Variants in EFNA5 observed in about 807,000 individuals in gnomAD.
The protein encoded by EFNA5 is ephrin-A5.
In EFNA5, 5 loss-of-function variants were observed where a neutral mutation model predicts 22.9. The ratio of observed to expected loss-of-function variants is 0.22; its 90% CI spans 0.11 to 0.46. EFNA5 has a LOEUF of 0.46. Ranked by LOEUF, EFNA5 falls within the 20% of genes least tolerant of loss-of-function variation. The pLI is 0.99. For missense variants in EFNA5, 237 were observed against 293.3 expected, an observed-to-expected ratio of 0.81 and a Z score of 1.40; for synonymous variants, 113 against 112.2, an observed-to-expected ratio of 1.01 and a Z score of -0.04.
chr5:107,527,526 C>T (rs1419394996), intron 1 of EFNA5, among the ~76,000 whole-genome samples: 1 of 151,998 alleles, frequency 6.6e-6, no homozygotes, highest in Non-Finnish European at 1.5e-5. Context: ...ACCTTGTGAT[C>T]CACCCGCCTC....
At chr5:107,600,780 G>A (rs1337258715) in intron 1 of EFNA5, among the ~76,000 whole-genome samples, 2 of 152,004 alleles carry the variant, frequency 1.3e-5, no homozygotes, top group Non-Finnish European at 2.9e-5. Flanking sequence ...GAGCCACTGG[G>A]CCCAGCCAAA....
At chr5:107,607,849 A>T (rs1749755003) in intron 1 of EFNA5, among the ~76,000 whole-genome samples, 2 of 152,176 alleles carry the variant, frequency 1.3e-5, no homozygotes, top group Admixed American at 1.3e-4. Flanking sequence ...GACCTGGACC[A>T]GACAAACCTA....
chr5:107,517,708 T>C (rs1016739071), intron 1 of EFNA5, among the ~76,000 whole-genome samples: 8 of 152,208 alleles, frequency 5.3e-5, no homozygotes, highest in Non-Finnish European at 8.8e-5. Context: ...TACGGTTATA[T>C]TATGCAATGT....
At chr5:107,485,806 C>T (rs940178931) in intron 1 of EFNA5, among the ~76,000 whole-genome samples, 1 of 152,132 alleles carries the variant, frequency 6.6e-6, no homozygotes, top group Non-Finnish European at 1.5e-5. Flanking sequence ...AAGTTCTCCA[C>T]GGGTCTCGAC....
intron 1 of EFNA5, among the ~76,000 whole-genome samples, chr5:107,635,730 C>T (rs1750359718): frequency 6.6e-6 from 1 of 152,180 alleles, no homozygotes; most frequent in Admixed American, 6.5e-5. Flanking sequence ...GGGTTCACTA[C>T]ATTTAAGACC....
At chr5:107,595,336 C>T (rs11948614) in intron 1 of EFNA5, among the ~76,000 whole-genome samples, 13,548 of 152,086 alleles carry the variant, frequency 0.089, 1,260 homozygotes, top group African/African-American at 0.24. Context: ...TAAAATCAGA[C>T]TTACTATACA....
chr5:107,433,128 A>T (rs770664043), intron 1 of EFNA5, among the ~76,000 whole-genome samples: 4 of 152,186 alleles, frequency 2.6e-5, no homozygotes, highest in Non-Finnish European at 4.4e-5. Flanking sequence ...TTCAGGAGTC[A>T]AAAGTTATAC....
At chr5:107,590,239 G>T (rs1310649292) in intron 1 of EFNA5, among the ~76,000 whole-genome samples, 1 of 152,150 alleles carries the variant, frequency 6.6e-6, no homozygotes, top group Admixed American at 6.5e-5. Flanking sequence ...TCCTCTCTTG[G>T]AGTAATTCCT....
At chr5:107,417,741 C>T (rs1748539913) in intron 2 of EFNA5, among the ~76,000 whole-genome samples, 1 of 152,104 alleles carries the variant, frequency 6.6e-6, no homozygotes, top group African/African-American at 2.4e-5. Context: ...CAGCAAAGCA[C>T]TGACACAAAT....
chr5:107,569,571 A>ATATATATATATATATATATATATATT (rs1748747394), intron 1 of EFNA5, among the ~76,000 whole-genome samples: 8 of 25,844 alleles, frequency 3.1e-4, no homozygotes, highest in Admixed American at 7.4e-4. Flanking sequence ...ATATATATAT[A>ATATATATATATATATATATATATATT]TATATATATA....
intron 1 of EFNA5, among the ~76,000 whole-genome samples, chr5:107,656,301 A>T (rs1399433142): frequency 6.6e-6 from 1 of 152,166 alleles, no homozygotes; most frequent in Non-Finnish European, 1.5e-5. Context: ...CCCGGGAAGA[A>T]GGTCCTGGAA....
chr5:107,387,357 G>T, intron 3 of EFNA5, 42 bp from the exon 4 acceptor site: 1 of 1,346,384 alleles, frequency 7.4e-7, no homozygotes, highest in South Asian at 1.3e-5. Context: ...TGTTAGTGAA[G>T]ACACCCTTAA....
At chr5:107,396,649 T>C (rs778716839) in intron 2 of EFNA5, among the ~76,000 whole-genome samples, 2 of 152,064 alleles carry the variant, frequency 1.3e-5, no homozygotes, top group African/African-American at 2.4e-5. Flanking sequence ...TGATCTTCTC[T>C]AGCATAAATT....
intron 1 of EFNA5, among the ~76,000 whole-genome samples, chr5:107,435,822 A>G (rs754758942): frequency 6.6e-6 from 1 of 152,356 alleles, no homozygotes; most frequent in East Asian, 1.9e-4. Flanking sequence ...TACATTAATG[A>G]AAGTTCCAAC....
intron 1 of EFNA5, among the ~76,000 whole-genome samples, chr5:107,641,708 T>C (rs1464607486): frequency 6.6e-6 from 1 of 152,236 alleles, no homozygotes; most frequent in African/African-American, 2.4e-5. Flanking sequence ...TAATTAAATT[T>C]CATTTTAAAG....
At chr5:107,513,222 G>A (rs1747408939) in intron 1 of EFNA5, among the ~76,000 whole-genome samples, 1 of 152,166 alleles carries the variant, frequency 6.6e-6, no homozygotes, top group African/African-American at 2.4e-5. Flanking sequence ...GAAAAGAGGG[G>A]CAGCTTTGCC....
intron 1 of EFNA5, among the ~76,000 whole-genome samples, chr5:107,444,469 T>C (rs868560387): frequency 6.6e-6 from 1 of 152,220 alleles, no homozygotes; most frequent in Non-Finnish European, 1.5e-5. Context: ...AGCAAGACAG[T>C]GTAAGTAGAA....
intron 1 of EFNA5, among the ~76,000 whole-genome samples, chr5:107,547,701 T>A (rs1421956986): frequency 6.6e-6 from 1 of 151,442 alleles, no homozygotes; most frequent in East Asian, 1.9e-4. Context: ...TTTTTAACCA[T>A]AAAAAAAAAG....
intron 1 of EFNA5, among the ~76,000 whole-genome samples, chr5:107,593,545 G>A (rs547129296): frequency 6.6e-6 from 1 of 152,244 alleles, no homozygotes; most frequent in Admixed American, 6.5e-5. Flanking sequence ...CACGCTGGCT[G>A]CACATCAGAA....
Sources: gnomAD v4.1 joint callset for allele counts (sites outside exome capture counted in the v4.1 genomes callset) on GRCh38, gnomAD v4.1.1 for gene constraint, MANE v1.5 for transcripts, NCBI Gene and HGNC (gene_info 2026-07-23, HGNC 2026-07-21) for gene names.